The following CADPS variants were observed in gnomAD, a reference collection of about 807,000 sequenced individuals.
The protein encoded by CADPS is calcium-dependent secretion activator 1.
A neutral mutation model predicts 167.3 loss-of-function variants in CADPS; 57 were observed. The ratio of observed to expected loss-of-function variants is 0.34; its 90% CI spans 0.28 to 0.42. CADPS has a LOEUF of 0.42. Ranked by LOEUF, CADPS falls within the 20% of genes least tolerant of loss-of-function variation. CADPS has a pLI of 1.00. For synonymous variants in CADPS, 676 were observed against 635.3 expected, an observed-to-expected ratio of 1.06 and a Z score of -0.96; for missense variants, 1,414 against 1,738.1, an observed-to-expected ratio of 0.81 and a Z score of 3.32.
intron 2 of CADPS, among the ~76,000 whole-genome samples, chr3:62,756,424 A>T (rs1394396967): frequency 6.6e-6 from 1 of 152,148 alleles, no homozygotes; most frequent in African/African-American, 2.4e-5. Context: ...GTTTGGGGCT[A>T]TCCTTTTAAC....
At chr3:62,865,427 C>T (rs1035726686) in intron 1 of CADPS, among the ~76,000 whole-genome samples, 3 of 150,930 alleles carry the variant, frequency 2.0e-5, no homozygotes, top group Non-Finnish European at 4.4e-5. Context: ...TCTAATTATC[C>T]CAGAACTTTT....
chr3:62,572,483 C>G (rs1364439270), intron 8 of CADPS, among the ~76,000 whole-genome samples: 1 of 152,098 alleles, frequency 6.6e-6, no homozygotes, highest in Non-Finnish European at 1.5e-5. Flanking sequence ...ACCTGCAAAT[C>G]TTATCATGCC....
chr3:62,681,148 G>A (rs557485173), intron 3 of CADPS, among the ~76,000 whole-genome samples: 1 of 152,146 alleles, frequency 6.6e-6, no homozygotes, highest in South Asian at 2.1e-4. Flanking sequence ...ACCCACCTCA[G>A]ATGTGCTGTT....
intron 11 of CADPS, 30 bp from the exon 12 acceptor site, chr3:62,536,611 C>A: frequency 6.2e-7 from 1 of 1,603,502 alleles, no homozygotes; most frequent in African/African-American, 1.3e-5. Context: ...GAGAGAGACA[C>A]AATTTAGAGA....
At chr3:62,854,411 T>C (rs1257199849) in intron 1 of CADPS, among the ~76,000 whole-genome samples, 1 of 151,064 alleles carries the variant, frequency 6.6e-6, no homozygotes, top group Non-Finnish European at 1.5e-5. Flanking sequence ...ATAAAGAGTG[T>C]AATTTTAAGC....
At chr3:62,759,573 G>A (rs1022909407) in intron 2 of CADPS, among the ~76,000 whole-genome samples, 1 of 152,174 alleles carries the variant, frequency 6.6e-6, no homozygotes, top group Admixed American at 6.5e-5. Context: ...CTTTGGAAAG[G>A]TAGGAAGGAG....
intron 10 of CADPS, among the ~76,000 whole-genome samples, chr3:62,553,702 G>A (rs1265487439): frequency 1.3e-5 from 2 of 152,180 alleles, no homozygotes; most frequent in Non-Finnish European, 2.9e-5. Flanking sequence ...AAGCACCAGA[G>A]GCTGAGGACA....
chr3:62,777,832 A>C (rs561248177), intron 1 of CADPS, among the ~76,000 whole-genome samples: 1 of 152,310 alleles, frequency 6.6e-6, no homozygotes, highest in Non-Finnish European at 1.5e-5. Context: ...AAGAACAGAA[A>C]ATTCTATCAC....
In CADPS at chr3:62,492,340, C is replaced by A; in HGVS notation, c.2834G>T (p.Trp945Leu). The change falls in exon 20 of 30, where the codon TGG becomes TTG. Residue 945 changes from tryptophan to leucine, a missense_variant. Physicochemically the swap from Trp to Leu is moderately conservative, Grantham distance 61 (BLOSUM62 -2). This residue lies in a region of CADPS where 529 missense variants were observed against 629.6 expected (regional missense o/e 0.84). Transcript: ENST00000383710. ...CAGCTGAAATAGTGGAAAACTGTCCCATGTGTCTGGAGGTTGCACCTCTAA... is the reference window on the plus strand; with the variant it reads ...CAGCTGAAATAGTGGAAAACTGTCCAATGTGTCTGGAGGTTGCACCTCTAA... The part of the protein sequence containing the change: ...AALEVQPPDT[W>L]DSFPLFQLLN... The A allele has an allele frequency of 1.2e-6, 2 of 1,614,062 alleles. No homozygotes were observed. The highest frequency in any genetic ancestry group is 1.7e-6 in the Non-Finnish European group (2 of 1,179,952).
intron 28 of CADPS, among the ~76,000 whole-genome samples, chr3:62,418,479 C>A (rs2050633584): frequency 1.4e-5 from 2 of 148,072 alleles, no homozygotes; most frequent in Admixed American, 6.7e-5. Context: ...TATGCAACAC[C>A]ATGCCCTATT....
chr3:62,741,845 C>A (rs528069005), intron 3 of CADPS, among the ~76,000 whole-genome samples: 1 of 152,188 alleles, frequency 6.6e-6, no homozygotes, highest in Non-Finnish European at 1.5e-5. Flanking sequence ...TCCCTGTTTG[C>A]AGATGACATG....
intron 9 of CADPS, among the ~76,000 whole-genome samples, chr3:62,561,242 A>G (rs1455987027): frequency 6.6e-6 from 1 of 151,962 alleles, no homozygotes; most frequent in Non-Finnish European, 1.5e-5. Context: ...TACATTTTTC[A>G]TAACTGTCTC....
intron 10 of CADPS, among the ~76,000 whole-genome samples, chr3:62,551,937 GCTC>G (rs989455487): frequency 6.6e-6 from 1 of 151,654 alleles, no homozygotes; most frequent in African/African-American, 2.4e-5. Flanking sequence ...TTTCTTTTTT[GCTC>G]CTATTACTTT....
At chr3:62,588,169 C>A (rs2085075384) in intron 7 of CADPS, among the ~76,000 whole-genome samples, 1 of 152,200 alleles carries the variant, frequency 6.6e-6, no homozygotes, top group Non-Finnish European at 1.5e-5. Context: ...CTTTACCTGA[C>A]AGATCCCCTC....
intron 6 of CADPS, among the ~76,000 whole-genome samples, chr3:62,599,797 A>AAT (rs373248925): frequency 0.011 from 92 of 8,544 alleles, 2 homozygotes; most frequent in South Asian, 0.06. Flanking sequence ...TAATATATAT[A>AAT]ATATATAATA....
At chr3:62,540,362 T>C (rs902496708) in intron 11 of CADPS, among the ~76,000 whole-genome samples, 17 of 152,082 alleles carry the variant, frequency 1.1e-4, no homozygotes, top group Non-Finnish European at 2.1e-4. Flanking sequence ...AGATAACATG[T>C]TCTGTGAGGG....
rs79363591 is a variant in CADPS at position 62,615,964 on chromosome 3, T to C, written c.1326-23216A>G. 5.2e-3 allele frequency among the ~76,000 whole-genome samples: 793 copies of C among 152,304 alleles called. 9 individuals are homozygous for C. The highest frequency in any genetic ancestry group is 0.018 in the African/African-American group (764 of 41,570). On this transcript the variant is annotated intron_variant, in intron 6 of 29. Transcript: ENST00000383710. ...TCATGATGGAGAAGAACAGATTCGA[T>C]ACTGCATCACTTTACAGCTAAACTC...
chr3:62,452,462 CT>C (rs1560566626), intron 26 of CADPS, among the ~76,000 whole-genome samples: 13 of 152,170 alleles, frequency 8.5e-5, no homozygotes. Flanking sequence ...ACTGCCATCA[CT>C]TTAGACAGTT....
chr3:62,720,588 C>G (rs496555), intron 3 of CADPS, among the ~76,000 whole-genome samples: 12 of 151,946 alleles, frequency 7.9e-5, no homozygotes, highest in Non-Finnish European at 1.8e-4. Context: ...ACCCTCCTGC[C>G]TCAGCCTCCC....
Sources: allele counts gnomAD v4.1 joint callset (sites outside exome capture counted in the v4.1 genomes callset), GRCh38; gene constraint gnomAD v4.1.1; regional missense constraint gnomAD v4.1.1; transcripts MANE v1.5; gene names NCBI Gene and HGNC (gene_info 2026-07-23, HGNC 2026-07-21).